The following RFTN1 variants were observed in gnomAD, a reference collection of about 807,000 sequenced individuals.
RFTN1 encodes the protein raftlin, lipid raft linker 1.
A neutral mutation model predicts 46.5 loss-of-function variants in RFTN1; 26 were observed. That is an observed-to-expected ratio of 0.56 (90% confidence interval 0.41 to 0.78). RFTN1 has a LOEUF of 0.78. Among genes scored for constraint, RFTN1 ranks in the 30% least tolerant of loss-of-function variants. The probability of loss-of-function intolerance (pLI) is 0.00; values close to 1 mark genes in which losing one functional copy is unlikely to be tolerated. For missense variants in RFTN1, 693 were observed against 718.7 expected, an observed-to-expected ratio of 0.96 and a Z score of 0.41; for synonymous variants, 261 against 284.2, an observed-to-expected ratio of 0.92 and a Z score of 0.82.
chr3:16,362,754 C>G (rs575454920), intron 6 of RFTN1, among the ~76,000 whole-genome samples: 2 of 152,318 alleles, frequency 1.3e-5, no homozygotes, highest in South Asian at 4.1e-4. Flanking sequence ...GCTTTCAGTA[C>G]TTAAGTGCTT....
intron 9 of RFTN1, among the ~76,000 whole-genome samples, chr3:16,319,134 C>CT (rs1005182644): frequency 3.9e-5 from 6 of 151,964 alleles, no homozygotes; most frequent in South Asian, 2.1e-4. Flanking sequence ...AGAGTCTCTC[C>CT]TTTTTTTTAA....
rs1254025022 is a variant in RFTN1 at position 16,334,066 on chromosome 3, G to A, written c.1147-7190C>T. On this transcript the variant is annotated intron_variant, in intron 7 of 9. Coordinates refer to ENST00000334133, the MANE Select transcript of RFTN1 (RefSeq NM_015150.2). The surrounding 1 kb of genome is among the most constrained non-coding windows in gnomAD (Gnocchi z 4.3). ...TGTAGTCCCAGCTACTTGGGAGGCT[G>A]AGGCAGGAGAATGGCTTGAACCTAG... is the stretch of plus-strand genomic sequence containing the variant. Among the ~76,000 whole-genome samples the A allele has an allele frequency of 6.6e-6, 1 of 152,230 alleles. No individual in the cohort carries two copies. Among genetic ancestry groups the A allele is most frequent in the African/African-American group, 2.4e-5 (1 of 41,456 alleles).
At position 16,427,620 on chromosome 3, in the gene RFTN1, C is replaced by G. The variant is rs147118342; in HGVS notation, c.332+6231G>C. 1.3e-5 allele frequency among the ~76,000 whole-genome samples: 2 copies of G among 152,134 alleles called. No homozygotes were observed. Among genetic ancestry groups the G allele is most frequent in the African/African-American group, 4.8e-5 (2 of 41,438 alleles). ...GTCAATTTGGGATGAAGCAGCTCACCGTAACTCTCAACAACCCACTGCATC... is the reference window on the plus strand; with the variant it reads ...GTCAATTTGGGATGAAGCAGCTCACGGTAACTCTCAACAACCCACTGCATC... On this transcript the variant is annotated intron_variant, in intron 3 of 9. Transcript: ENST00000334133. This position sits in a 1 kb window ranked among gnomAD's most constrained non-coding sequence, Gnocchi z 5.4.
Position 16,376,911 on chromosome 3 carries a change from A to G in RFTN1, c.826+807T>C, listed in dbSNP as rs1203296388. Among the ~76,000 whole-genome samples the G allele has an allele frequency of 1.3e-5, 2 of 152,158 alleles. No homozygotes were observed. Among genetic ancestry groups the G allele is most frequent in the Admixed American group, 1.3e-4 (2 of 15,290 alleles). ...TTCGTAAATAAATGGTAATAACAATATTAACCAGGGAGATCATCCAGAAAG... is the reference window on the plus strand; with the variant it reads ...TTCGTAAATAAATGGTAATAACAATGTTAACCAGGGAGATCATCCAGAAAG... On this transcript the variant is annotated intron_variant, in intron 5 of 9. Transcript: ENST00000334133. This position sits in a 1 kb window ranked among gnomAD's most constrained non-coding sequence, Gnocchi z 4.7.
intron 2 of RFTN1, among the ~76,000 whole-genome samples, chr3:16,478,490 G>C (rs938601692): frequency 6.6e-6 from 1 of 152,200 alleles, no homozygotes; most frequent in Admixed American, 6.5e-5. Flanking sequence ...ATAGAAGCAA[G>C]ACTTTTTAAC....
In RFTN1 at chr3:16,498,371, A is replaced by G. The variant is rs2076656761; in HGVS notation, c.-8-4494T>C. ...TCTGTACCTCACTTCTCTTTTCTGT[A>G]CACAAAACACTGCCAGGATGTGTTT... On this transcript the variant is annotated intron_variant, in intron 1 of 9. Transcript: ENST00000334133. This position sits in a 1 kb window ranked among gnomAD's most constrained non-coding sequence, Gnocchi z 5.2. Among the ~76,000 whole-genome samples the G allele has an allele frequency of 6.6e-6, 1 of 152,218 alleles. No homozygotes were observed. The highest frequency in any genetic ancestry group is 2.4e-5 in the African/African-American group (1 of 41,462).
At position 16,380,660 on chromosome 3, in the gene RFTN1, T is replaced by C. The variant is rs1481430522; in HGVS notation, c.442-2558A>G. ...TTCTCAGGCCCCACCACAGACCTAC[T>C]GAGTCAGAAACTCTGAGGGTGAGAT... On this transcript the variant is annotated intron_variant, in intron 4 of 9. Coordinates refer to ENST00000334133, the MANE Select transcript of RFTN1 (RefSeq NM_015150.2). This position sits in a 1 kb window ranked among gnomAD's most constrained non-coding sequence, Gnocchi z 4.8. Among the ~76,000 whole-genome samples, 2 of 152,100 alleles carry C rather than the reference T, an allele frequency of 1.3e-5. No individual in the cohort carries two copies. Among genetic ancestry groups the C allele is most frequent in the East Asian group, 3.9e-4 (2 of 5,194 alleles).
chr3:16,485,267 T>C lies in RFTN1; in HGVS notation c.145+8458A>G, dbSNP rs866077096. Among the ~76,000 whole-genome samples the C allele has an allele frequency of 1.8e-4, 27 of 152,148 alleles. No homozygotes were observed. In the South Asian group the frequency reaches 2.9e-3, roughly 16 times the overall value. On this transcript the variant is annotated intron_variant, in intron 2 of 9. Coordinates refer to ENST00000334133, the MANE Select transcript of RFTN1 (RefSeq NM_015150.2). ...TGTGGCACATGCAAACAAGGGAATA[T>C]TACTCAGAAACAAAAAGGAATTAAC...
At chr3:16,430,507 T>G (rs541663239) in intron 3 of RFTN1, among the ~76,000 whole-genome samples, 1 of 152,160 alleles carries the variant, frequency 6.6e-6, no homozygotes, top group East Asian at 1.9e-4. Context: ...GGAGAGAAAA[T>G]TCCTGTACTT....
chr3:16,397,781 C>CCTCTCT (rs199626819), intron 4 of RFTN1, among the ~76,000 whole-genome samples: 1 of 108,306 alleles, frequency 9.2e-6, no homozygotes, highest in South Asian at 2.7e-4. Context: ...GGTCTCTCTC[C>CCTCTCT]CTCTCTCTCT....
Position 16,370,126 on chromosome 3 carries a change from C to T in RFTN1, c.980G>A (p.Arg327Gln), listed in dbSNP as rs1001895715. 19 of 1,614,084 alleles carry T rather than the reference C, an allele frequency of 1.2e-5. No homozygotes were observed. The highest frequency in any genetic ancestry group is 1.6e-4 in the Middle Eastern group (1 of 6,084). Residue 327 changes from arginine (R) to glutamine (Q), a missense_variant, in exon 6 of 10, where the codon CGG (arginine) becomes CAG (glutamine). Coordinates refer to ENST00000334133, the MANE Select transcript of RFTN1 (RefSeq NM_015150.2). This position sits in a 1 kb window ranked among gnomAD's most constrained non-coding sequence, Gnocchi z 5.5. ...TGCGTTCACCAGCATGCCTCCTTTC[C>T]GGAAGTGGTCGCTCATGTGCTCTAA... ...NWLEHMSDHF[R>Q]KGGMLVNAVF...
chr3:16,505,364 A>C (rs1355776045), intron 1 of RFTN1, among the ~76,000 whole-genome samples: 1 of 152,080 alleles, frequency 6.6e-6, no homozygotes, highest in Non-Finnish European at 1.5e-5. Flanking sequence ...GTGGACCTCC[A>C]CCTGACATTC....
chr3:16,453,667 T>G (rs568993241), intron 2 of RFTN1, among the ~76,000 whole-genome samples: 1 of 152,210 alleles, frequency 6.6e-6, no homozygotes, highest in African/African-American at 2.4e-5. Flanking sequence ...AAATAAAGCA[T>G]GAACGTATGT....
chr3:16,380,414 T>TC lies in RFTN1; in HGVS notation c.442-2313dup, dbSNP rs1438936809. On this transcript the variant is annotated intron_variant, in intron 4 of 9. Coordinates refer to ENST00000334133, the MANE Select transcript of RFTN1 (RefSeq NM_015150.2). The surrounding 1 kb of genome is among the most constrained non-coding windows in gnomAD (Gnocchi z 4.8). ...TCATCTAGAGTGAAGAGGCGAGGAC[T>TC]CCAGACACAGGGCATTATCCTAGCC... Among the ~76,000 whole-genome samples, 1 of 152,184 alleles carries TC rather than the reference T, an allele frequency of 6.6e-6. No individual in the cohort carries two copies. The highest frequency in any genetic ancestry group is 1.5e-5 in the Non-Finnish European group (1 of 68,028).
intron 5 of RFTN1, among the ~76,000 whole-genome samples, chr3:16,372,036 G>A (rs1172211568): frequency 6.6e-6 from 1 of 152,198 alleles, no homozygotes; most frequent in Non-Finnish European, 1.5e-5. Context: ...ATTAAAAGCT[G>A]CAGCTACCGA....
Position 16,457,979 on chromosome 3 carries a change from A to C in RFTN1, c.146-23942T>G, listed in dbSNP as rs2075941474. ...CCACCATGTGAGGACACAGCATTCC[A>C]CCCCTCTGGAGGATGCAAAAACAAG... On this transcript the variant is annotated intron_variant, in intron 2 of 9. Transcript: ENST00000334133. The surrounding 1 kb of genome is among the most constrained non-coding windows in gnomAD (Gnocchi z 4.2). 6.6e-6 allele frequency among the ~76,000 whole-genome samples: 1 copy of C among 151,946 alleles called. No individual in the cohort carries two copies. The highest frequency in any genetic ancestry group is 1.5e-5 in the Non-Finnish European group (1 of 67,970).
At chr3:16,393,166 G>A (rs1056809691) in intron 4 of RFTN1, among the ~76,000 whole-genome samples, 5 of 152,162 alleles carry the variant, frequency 3.3e-5, no homozygotes, top group Non-Finnish European at 7.4e-5. Flanking sequence ...GAAAATAGAG[G>A]AGACAAAGGG....
Position 16,448,868 on chromosome 3 carries a change from G to A in RFTN1, c.146-14831C>T, listed in dbSNP as rs550972130. ...AACTGCTGGAGGCAAGCAGCCAGCC[G>A]GCATCCCACAGAGATTATTCATAGC... On this transcript the variant is annotated intron_variant, in intron 2 of 9. Coordinates refer to ENST00000334133, the MANE Select transcript of RFTN1 (RefSeq NM_015150.2). The surrounding 1 kb of genome is among the most constrained non-coding windows in gnomAD (Gnocchi z 4.1). 5.7e-4 allele frequency among the ~76,000 whole-genome samples: 87 copies of A among 152,214 alleles called. No homozygotes were observed. The highest frequency in any genetic ancestry group is 1.2e-3 in the Admixed American group (19 of 15,298).
chr3:16,411,153 T>C (rs1198042470), intron 3 of RFTN1, among the ~76,000 whole-genome samples: 3 of 152,130 alleles, frequency 2.0e-5, no homozygotes, highest in African/African-American at 7.2e-5. Flanking sequence ...GAGGGGCCCC[T>C]GAAGTCCCTG....
Sources: gnomAD v4.1 joint callset for allele counts (sites outside exome capture counted in the v4.1 genomes callset) on GRCh38, gnomAD v4.1.1 for gene constraint, Gnocchi (gnomAD v3.1) non-coding constraint, MANE v1.5 for transcripts, NCBI Gene and HGNC (gene_info 2026-07-23, HGNC 2026-07-21) for gene names.